The following MED12L variants were observed in gnomAD, a reference collection of about 807,000 sequenced individuals.
MED12L encodes mediator of RNA polymerase II transcription subunit 12-like protein.
MED12L carries 60 observed loss-of-function variants against 281.3 expected under a neutral mutation model. The observed-to-expected ratio is 0.21, with a 90% CI of 0.17 to 0.26. The LOEUF (loss-of-function observed/expected upper bound fraction) is 0.26, where lower values mean the gene tolerates loss of function less well. Ranked by LOEUF, MED12L falls within the 10% of genes least tolerant of loss-of-function variation. MED12L has a pLI of 1.00. For missense variants in MED12L, 2,146 were observed against 2,680.9 expected (o/e 0.80, Z 4.41); for synonymous variants, 974 against 987.2 (o/e 0.99, Z 0.25).
chr3:151,182,236 C>T (rs1722788364), intron 11 of MED12L, among the ~76,000 whole-genome samples: 1 of 151,926 alleles, frequency 6.6e-6, no homozygotes, highest in African/African-American at 2.4e-5. Flanking sequence ...AAAATTCGTT[C>T]AGACTGCTGT....
At chr3:151,151,836 G>C (rs544579440) in intron 5 of MED12L, among the ~76,000 whole-genome samples, 4 of 152,282 alleles carry the variant, frequency 2.6e-5, no homozygotes, top group South Asian at 4.1e-4. Flanking sequence ...AACATATGCT[G>C]TTGGGAAAAT....
At chr3:151,272,694 C>CAGGA (rs1741168738) in intron 16 of MED12L, among the ~76,000 whole-genome samples, 1 of 152,134 alleles carries the variant, frequency 6.6e-6, no homozygotes, top group Non-Finnish European at 1.5e-5. Context: ...GACAGATGTG[C>CAGGA]AGGAGGTGGG....
chr3:151,389,477 A>G (rs1713896804), intron 37 of MED12L, among the ~76,000 whole-genome samples: 1 of 152,114 alleles, frequency 6.6e-6, no homozygotes, highest in Non-Finnish European at 1.5e-5. Flanking sequence ...AAGGAAGAGG[A>G]AGCATGGGGG....
Position 151,253,189 on chromosome 3 carries a change from G to A in MED12L, c.2250+59523G>A, listed in dbSNP as rs1577132336. On this transcript the variant is annotated intron_variant, in intron 16 of 44. Coordinates refer to ENST00000687756, the MANE Select transcript of MED12L (RefSeq NM_001393769.1). ...ACCCTGTATAGTGATATAAATGTCA[G>A]TGTCTGAGATTTAAGAGCCTGTTCC... Among the ~76,000 whole-genome samples, 3 of 152,260 alleles carry A rather than the reference G, an allele frequency of 2.0e-5. No individual in the cohort carries two copies. The South Asian group carries it at 6.2e-4, about 32-fold the overall frequency.
At chr3:151,332,724 T>C (rs1427621028) in intron 16 of MED12L, among the ~76,000 whole-genome samples, 1 of 149,600 alleles carries the variant, frequency 6.7e-6, no homozygotes, top group East Asian at 2.0e-4. Flanking sequence ...TGTTAGTACA[T>C]GTAGACTGAC....
chr3:151,306,377 A>G (rs906751429), intron 16 of MED12L, among the ~76,000 whole-genome samples: 2 of 152,142 alleles, frequency 1.3e-5, no homozygotes, highest in African/African-American at 4.8e-5. Context: ...CTGCCCCTCT[A>G]CTGGGGCCTT....
At chr3:151,394,550 G>A (rs1477577953) in intron 38 of MED12L, 106 bp from the exon 39 acceptor site, 1 of 1,532,002 alleles carries the variant, frequency 6.5e-7, no homozygotes, top group East Asian at 2.3e-5. Flanking sequence ...TTTCTACTTT[G>A]TTCATAAAGT....
intron 39 of MED12L, among the ~76,000 whole-genome samples, chr3:151,398,999 A>G (rs1354318140): frequency 7.1e-6 from 1 of 141,490 alleles, no homozygotes; most frequent in African/African-American, 2.4e-5. Context: ...AGTTTTCTGC[A>G]GGTAACTGAA....
intron 16 of MED12L, among the ~76,000 whole-genome samples, chr3:151,289,954 C>T (rs1196121790): frequency 6.6e-6 from 1 of 151,452 alleles, no homozygotes; most frequent in Non-Finnish European, 1.5e-5. Flanking sequence ...GATCTCGGAT[C>T]ACTGCAACCT....
In MED12L at chr3:151,380,215, A is replaced by G. The variant is rs752094973; in HGVS notation, c.4581A>G (p.Gln1527=). 1.9e-5 allele frequency: 30 copies of G among 1,592,396 alleles called. No individual in the cohort carries two copies. The Admixed American group carries it at 5.3e-4, about 28-fold the overall frequency. The part of the protein sequence containing the change: ...REGLLTSLQN[Q]VNQILSNWRE... ...GCCTCCTAACATCTCTCCAGAATCA[A>G]GTTAACCAGGTAAAGTATAGTATAA... The change falls in exon 32 of 45, where the codon CAA becomes CAG. Residue 1527 remains glutamine, a synonymous_variant. Transcript: ENST00000687756.
intron 21 of MED12L, among the ~76,000 whole-genome samples, chr3:151,362,544 C>G (rs1754741245): frequency 6.6e-6 from 1 of 152,008 alleles, no homozygotes; most frequent in Non-Finnish European, 1.5e-5. Context: ...AATAGCACCC[C>G]CATGTCATCA....
chr3:151,239,717 A>G (rs918535967), intron 16 of MED12L, among the ~76,000 whole-genome samples: 2 of 152,198 alleles, frequency 1.3e-5, no homozygotes, highest in African/African-American at 4.8e-5. Context: ...AAAATTTGAG[A>G]ATTCTTGGCT....
At chr3:151,162,612 A>C (rs1400416059) in intron 8 of MED12L, among the ~76,000 whole-genome samples, 1 of 150,770 alleles carries the variant, frequency 6.6e-6, no homozygotes, top group Non-Finnish European at 1.5e-5. Context: ...CTAATTTTTA[A>C]ATTTTTCTTA....
In MED12L at chr3:151,198,979, G is replaced by A. The variant is rs141031765; in HGVS notation, c.2250+5313G>A. ...TAAGAAGGACCATTAGCCACACAAC[G>A]GTTGATATCATTTTGGCAAATCCGG... On this transcript the variant is annotated intron_variant, in intron 16 of 44. Coordinates refer to ENST00000687756, the MANE Select transcript of MED12L (RefSeq NM_001393769.1). The A allele has an allele frequency of 1.1e-4, 185 of 1,613,860 alleles. No individual in the cohort carries two copies. The African/African-American group carries it at 1.5e-3, about 13-fold the overall frequency.
intron 3 of MED12L, among the ~76,000 whole-genome samples, chr3:151,122,566 G>A (rs1039107372): frequency 2.6e-5 from 4 of 152,094 alleles, no homozygotes; most frequent in East Asian, 1.9e-4. Flanking sequence ...AACCCCCTCC[G>A]CCAAACTACT....
At chr3:151,231,465 A>G (rs1400625323) in intron 16 of MED12L, among the ~76,000 whole-genome samples, 1 of 152,224 alleles carries the variant, frequency 6.6e-6, no homozygotes, top group Non-Finnish European at 1.5e-5. Context: ...ATGCCTCCTG[A>G]TATGATTTAG....
intron 5 of MED12L, among the ~76,000 whole-genome samples, chr3:151,147,765 C>T (rs79415976): frequency 0.042 from 6,334 of 152,212 alleles, 175 homozygotes; most frequent in Middle Eastern, 0.085. Context: ...TATCAGCTGA[C>T]GGATATTGGA....
chr3:151,149,745 A>G (rs73155789), intron 5 of MED12L, among the ~76,000 whole-genome samples: 3,730 of 152,342 alleles, frequency 0.024, 68 homozygotes, highest in Non-Finnish European at 0.038. Flanking sequence ...TGTTTCATCA[A>G]CGAAGTTTAT....
chr3:151,291,805 G>A (rs552550246), intron 16 of MED12L, among the ~76,000 whole-genome samples: 2 of 152,202 alleles, frequency 1.3e-5, no homozygotes, highest in East Asian at 1.9e-4. Context: ...ATGCCACAGC[G>A]TGGGAATTGG....
Sources: gnomAD v4.1 joint callset for allele counts (sites outside exome capture counted in the v4.1 genomes callset) on GRCh38, gnomAD v4.1.1 for gene constraint, MANE v1.5 for transcripts, NCBI Gene and HGNC (gene_info 2026-07-23, HGNC 2026-07-21) for gene names.